Variants in ANK2 observed in about 807,000 individuals in gnomAD.
The protein encoded by ANK2 is ankyrin-2.
A neutral mutation model predicts 360.5 loss-of-function variants in ANK2; 83 were observed. The observed-to-expected ratio is 0.23, with a 90% CI of 0.19 to 0.28. ANK2 has a LOEUF of 0.28. Among genes scored for constraint, ANK2 ranks in the 10% least tolerant of loss-of-function variants. The probability of loss-of-function intolerance (pLI) is 1.00; values close to 1 mark genes in which losing one functional copy is unlikely to be tolerated. For missense variants in ANK2, 4,201 were observed against 4,795.7 expected (o/e 0.88, Z 3.66); for synonymous variants, 1,740 against 1,759.5 (o/e 0.99, Z 0.28).
In ANK2 at chr4:113,278,457, C is replaced by CAGA; in HGVS notation, c.1783-1_1784dup. Reference sequence around the variant, plus strand: ...TGCTGAAACTTAAACACACCCTTTACAGAACGGCCTTACCCCGCTCCATGT... The same window carrying CAGA: ...TGCTGAAACTTAAACACACCCTTTACAGAAGAACGGCCTTACCCCGCTCCATGT... On this transcript the variant is annotated splice_region_variant and splice_polypyrimidine_tract_variant and intron_variant, in intron 16 of 45. Transcript: ENST00000357077. 1 of 1,613,850 alleles carries CAGA rather than the reference C, an allele frequency of 6.2e-7. No homozygotes were observed. The highest frequency in any genetic ancestry group is 8.5e-7 in the Non-Finnish European group (1 of 1,179,824).
At chr4:112,861,671 ATAGT>A (rs2068058762) in intron 1 of ANK2, among the ~76,000 whole-genome samples, 1 of 152,226 alleles carries the variant, frequency 6.6e-6, no homozygotes, top group African/African-American at 2.4e-5. Flanking sequence ...ATTTAGTGAC[ATAGT>A]TAGTGTCTCA....
At chr4:112,952,627 A>T (rs1222424632) in intron 2 of ANK2, among the ~76,000 whole-genome samples, 4 of 152,194 alleles carry the variant, frequency 2.6e-5, no homozygotes, top group Non-Finnish European at 5.9e-5. Context: ...CTTCCTTAAC[A>T]TGTGTGTTTT....
chr4:112,776,056 C>T, the ANK2 span, among the ~76,000 whole-genome samples: 334 of 151,932 alleles, frequency 2.2e-3, 4 homozygotes, highest in Admixed American at 0.019. Context: ...GCCTAGGGAA[C>T]GTGTAGTGAG....
chr4:113,242,843 A>T (rs973702588), intron 9 of ANK2, among the ~76,000 whole-genome samples: 4 of 152,200 alleles, frequency 2.6e-5, no homozygotes, highest in African/African-American at 9.6e-5. Flanking sequence ...AGTTGTTAAA[A>T]GTGCAGAATA....
chr4:113,080,583 T>G (rs2154346782), intron 1 of ANK2, among the ~76,000 whole-genome samples: 1 of 152,308 alleles, frequency 6.6e-6, no homozygotes, highest in Non-Finnish European at 1.5e-5. Context: ...CTTTCCATAC[T>G]AGGAAATGGA....
At position 113,357,913 on chromosome 4, in the gene ANK2, A is replaced by G; in HGVS notation, c.9295A>G (p.Asn3099Asp). The G allele has an allele frequency of 6.2e-7, 1 of 1,614,036 alleles. No individual in the cohort carries two copies. The highest frequency in any genetic ancestry group is 8.5e-7 in the Non-Finnish European group (1 of 1,179,950). Residue 3099 changes from asparagine (N) to aspartate (D), a missense_variant, in exon 38 of 46, where the codon AAC becomes GAC. Coordinates refer to ENST00000357077, the MANE Select transcript of ANK2 (RefSeq NM_001148.6). ...TEEGTPTSEQ[N>D]PFLFQEGKLF... ...AGAGGGGACCCCAACAAGTGAGCAA[A>G]ACCCATTTCTGTTTCAGGAAGGAAA...
At chr4:112,750,796 T>A in the ANK2 span, among the ~76,000 whole-genome samples, 1 of 152,048 alleles carries the variant, frequency 6.6e-6, no homozygotes, top group Non-Finnish European at 1.5e-5. Flanking sequence ...GGTGCAGTCT[T>A]GGCTCACTGC....
chr4:113,186,575 T>C (rs2098530310), intron 2 of ANK2, among the ~76,000 whole-genome samples: 1 of 84,374 alleles, frequency 1.2e-5, no homozygotes, highest in Non-Finnish European at 2.1e-5. Flanking sequence ...TCTCTCTCTC[T>C]CTCTCTCTCT....
Position 113,373,259 on chromosome 4 carries a change from A to C in ANK2, c.11695-26A>C, listed in dbSNP as rs765161704. The C allele has an allele frequency of 4.3e-6, 7 of 1,613,846 alleles. No homozygotes were observed. In the African/African-American group the frequency reaches 9.3e-5, roughly 22 times the overall value. ...TCCATGGTACTGTCACACAAAAATA[A>C]GATACACAAATGAAATACATTTCAG... On this transcript the variant is annotated intron_variant, in intron 44 of 45. Transcript: ENST00000357077.
chr4:113,018,420 G>T (rs1169992207), intron 2 of ANK2, among the ~76,000 whole-genome samples: 1 of 152,194 alleles, frequency 6.6e-6, no homozygotes, highest in Non-Finnish European at 1.5e-5. Flanking sequence ...TGTCATAGGA[G>T]TTGGTCATAC....
chr4:113,221,921 A>G (rs2153492361), intron 4 of ANK2, among the ~76,000 whole-genome samples: 1 of 152,346 alleles, frequency 6.6e-6, no homozygotes, highest in East Asian at 1.9e-4. Context: ...CAGACATGGT[A>G]TAATATCATC....
rs753965028 is a variant in ANK2, at chr4:113,353,269, A to G, written c.4651A>G (p.Ile1551Val). 2.5e-6 allele frequency: 4 copies of G among 1,613,856 alleles called. No homozygotes were observed. The highest frequency in any genetic ancestry group is 3.4e-6 in the Non-Finnish European group (4 of 1,179,954). ...GGAAGAGCCAGGAGAGCCTTTTGAA[A>G]TCGTTGAAAGAGTTAAAGAGGACTT... ...AEEEPGEPFEIVERVKEDLEK... is the reference protein window; with the variant it reads ...AEEEPGEPFEVVERVKEDLEK... The change falls in exon 38 of 46, where the codon ATC (isoleucine) becomes GTC (valine). Residue 1551 changes from isoleucine to valine, a missense_variant. By Grantham distance (29) the Ile-to-Val change is conservative. This residue lies in a region of ANK2 where 1,268 missense variants were observed against 1,650.8 expected (regional missense o/e 0.77). Transcript: ENST00000357077.
intron 2 of ANK2, among the ~76,000 whole-genome samples, chr4:112,923,358 A>T (rs146139600): frequency 7.9e-5 from 12 of 152,218 alleles, no homozygotes; most frequent in East Asian, 5.8e-4. Context: ...TGGGTACTTA[A>T]TCTGCTAACT....
chr4:113,306,763 T>C (rs2077408938), intron 23 of ANK2, among the ~76,000 whole-genome samples: 1 of 152,194 alleles, frequency 6.6e-6, no homozygotes, highest in Non-Finnish European at 1.5e-5. Flanking sequence ...AGTAGTTTGT[T>C]CAATAGCACG....
chr4:113,039,406 T>C (rs2062390742), intron 2 of ANK2, among the ~76,000 whole-genome samples: 1 of 152,078 alleles, frequency 6.6e-6, no homozygotes, highest in African/African-American at 2.4e-5. Flanking sequence ...TGATCTTAAC[T>C]TGGGGTATTT....
intron 2 of ANK2, among the ~76,000 whole-genome samples, chr4:113,029,586 G>A (rs954353618): frequency 6.6e-6 from 1 of 151,978 alleles, no homozygotes; most frequent in Admixed American, 6.6e-5. Context: ...TTCTTCTTTA[G>A]AAAATGAACC....
At chr4:113,244,008 G>T (rs1003395754) in intron 9 of ANK2, among the ~76,000 whole-genome samples, 29 of 152,020 alleles carry the variant, frequency 1.9e-4, no homozygotes, top group Non-Finnish European at 2.8e-4. Flanking sequence ...TAATTTGTGT[G>T]GCTTACATAT....
At chr4:113,150,274 A>T (rs1182416815) in intron 1 of ANK2, among the ~76,000 whole-genome samples, 1 of 152,120 alleles carries the variant, frequency 6.6e-6, no homozygotes, top group Admixed American at 6.5e-5. Context: ...GCCTACTCCC[A>T]TCCTCTAAAG....
At chr4:112,987,717 A>G (rs1319140881) in intron 2 of ANK2, among the ~76,000 whole-genome samples, 1 of 151,988 alleles carries the variant, frequency 6.6e-6, no homozygotes, top group Non-Finnish European at 1.5e-5. Context: ...ATATATGTCT[A>G]TTGCCTAACT....
Sources: gnomAD v4.1 joint callset for allele counts (sites outside exome capture counted in the v4.1 genomes callset) on GRCh38, gnomAD v4.1.1 for gene constraint, gnomAD v4.1.1 regional missense constraint, MANE v1.5 for transcripts, NCBI Gene and HGNC (gene_info 2026-07-23, HGNC 2026-07-21) for gene names.